ZNF804A: variants seen among roughly 807,000 people sequenced by gnomAD.
ZNF804A encodes the protein zinc finger protein 804A.
In ZNF804A, 2 loss-of-function variants were observed where a neutral mutation model predicts 16.5. The observed-to-expected ratio is 0.12, with a 90% CI of 0.05 to 0.38. The LOEUF is 0.38. ZNF804A is among the 10% of genes least tolerant of loss of function. The probability of loss-of-function intolerance (pLI) is 0.99; values close to 1 mark genes in which losing one functional copy is unlikely to be tolerated. For synonymous variants in ZNF804A, 534 were observed against 489.6 expected (o/e 1.09, Z -1.20); for missense variants, 1,473 against 1,390.7 (o/e 1.06, Z -0.94).
At chr2:184,829,833 T>A (rs1695230118) in intron 1 of ZNF804A, among the ~76,000 whole-genome samples, 1 of 138,000 alleles carries the variant, frequency 7.2e-6, no homozygotes, top group African/African-American at 2.7e-5. Context: ...AGGCCAAGAC[T>A]GGCAGATTGC....
At chr2:184,868,047 A>T (rs914718291) in intron 2 of ZNF804A, among the ~76,000 whole-genome samples, 8 of 152,202 alleles carry the variant, frequency 5.3e-5, no homozygotes, top group Middle Eastern at 3.4e-3. Flanking sequence ...TTCTTAGTGA[A>T]CTTAGTATAC....
intron 1 of ZNF804A, among the ~76,000 whole-genome samples, chr2:184,801,682 A>G (rs1222099526): frequency 6.6e-6 from 1 of 152,172 alleles, no homozygotes; most frequent in Non-Finnish European, 1.5e-5. Flanking sequence ...CATAAACCAT[A>G]TGCTTTGCAT....
At chr2:184,621,875 A>G (rs1173853340) in intron 1 of ZNF804A, among the ~76,000 whole-genome samples, 1 of 151,822 alleles carries the variant, frequency 6.6e-6, no homozygotes, top group African/African-American at 2.4e-5. Context: ...TTTGATTGGC[A>G]TATGAGAAAA....
intron 1 of ZNF804A, among the ~76,000 whole-genome samples, chr2:184,625,019 G>A (rs1440447894): frequency 1.3e-5 from 2 of 151,958 alleles, no homozygotes; most frequent in Non-Finnish European, 2.9e-5. Context: ...AAAATAAGCA[G>A]GATACTTTGA....
intron 1 of ZNF804A, among the ~76,000 whole-genome samples, chr2:184,755,951 T>A (rs1693952625): frequency 6.6e-6 from 1 of 152,050 alleles, no homozygotes; most frequent in African/African-American, 2.4e-5. Flanking sequence ...AAAAAATACA[T>A]ATTTTCTTCA....
At chr2:184,711,595 T>C (rs944569841) in intron 1 of ZNF804A, among the ~76,000 whole-genome samples, 2 of 151,630 alleles carry the variant, frequency 1.3e-5, no homozygotes, top group Non-Finnish European at 3.0e-5. Context: ...ATGCCATGAA[T>C]CTCTCCTTCT....
chr2:184,638,097 G>A (rs929734736), intron 1 of ZNF804A, among the ~76,000 whole-genome samples: 1 of 152,076 alleles, frequency 6.6e-6, no homozygotes, highest in Non-Finnish European at 1.5e-5. Context: ...TAATATCCCC[G>A]TGCTGTAAAA....
At chr2:184,655,477 C>G (rs557957205) in intron 1 of ZNF804A, among the ~76,000 whole-genome samples, 1 of 152,070 alleles carries the variant, frequency 6.6e-6, no homozygotes, top group Non-Finnish European at 1.5e-5. Context: ...AGGTGGGATG[C>G]ATTTGATCAA....
intron 1 of ZNF804A, among the ~76,000 whole-genome samples, chr2:184,726,940 A>G (rs1263481126): frequency 6.6e-6 from 1 of 151,644 alleles, no homozygotes; most frequent in Admixed American, 6.6e-5. Context: ...CAGCATAATA[A>G]TAGTAAAATT....
intron 1 of ZNF804A, among the ~76,000 whole-genome samples, chr2:184,859,651 T>C (rs1375742668): frequency 1.3e-5 from 2 of 152,332 alleles, no homozygotes; most frequent in East Asian, 3.9e-4. Flanking sequence ...GATGTTCTTC[T>C]ATATCCTTGG....
chr2:184,736,750 GTTTGTT>G (rs1176550604), intron 1 of ZNF804A, among the ~76,000 whole-genome samples: 1 of 151,934 alleles, frequency 6.6e-6, no homozygotes, highest in Non-Finnish European at 1.5e-5. Flanking sequence ...TAGTTTATTT[GTTTGTT>G]TTTAACTTAA....
chr2:184,718,820 T>A (rs1012891756), intron 1 of ZNF804A, among the ~76,000 whole-genome samples: 2 of 152,122 alleles, frequency 1.3e-5, no homozygotes, highest in Admixed American at 1.3e-4. Flanking sequence ...CTGTGGCTTT[T>A]CCAGTTGTGT....
chr2:184,789,050 G>A (rs1694491810), intron 1 of ZNF804A, among the ~76,000 whole-genome samples: 1 of 152,016 alleles, frequency 6.6e-6, no homozygotes, highest in South Asian at 2.1e-4. Flanking sequence ...AGCATGAAGT[G>A]ATGGTGGATG....
At chr2:184,878,115 G>T (rs1684739320) in intron 2 of ZNF804A, among the ~76,000 whole-genome samples, 1 of 152,212 alleles carries the variant, frequency 6.6e-6, no homozygotes, top group African/African-American at 2.4e-5. Context: ...AAGTTTGTTG[G>T]TTGGCCTTCC....
intron 1 of ZNF804A, among the ~76,000 whole-genome samples, chr2:184,817,694 A>G (rs1434118385): frequency 6.6e-6 from 1 of 152,004 alleles, no homozygotes; most frequent in African/African-American, 2.4e-5. Flanking sequence ...GAGAAGAGCC[A>G]GTTTAGAGAG....
intron 1 of ZNF804A, among the ~76,000 whole-genome samples, chr2:184,758,761 G>A (rs926091191): frequency 5.3e-5 from 8 of 151,786 alleles, no homozygotes; most frequent in African/African-American, 1.7e-4. Context: ...CCTCTCCATT[G>A]CAATTATGAA....
At position 184,937,971 on chromosome 2, in the gene ZNF804A, C is replaced by A. The variant is rs1342283605; in HGVS notation, c.2575C>A (p.Pro859Thr). The change falls in exon 4 of 4, where the codon CCA becomes ACA. Residue 859 changes from proline (P) to threonine (T), a missense_variant. Physicochemically the swap from Pro to Thr is conservative, Grantham distance 38. Coordinates refer to ENST00000302277, the MANE Select transcript of ZNF804A (RefSeq NM_194250.2). Reference sequence around the variant, plus strand: ...TGAAGACAAAAAAGAGAAAATGAAACCACAAGAAGTTGCAAAAATCGAAAG... The same window carrying A: ...TGAAGACAAAAAAGAGAAAATGAAAACACAAGAAGTTGCAAAAATCGAAAG... Reference protein sequence around the residue: ...ISEDKKEKMKPQEVAKIERNS... With the variant: ...ISEDKKEKMKTQEVAKIERNS... The A allele has an allele frequency of 6.2e-7, 1 of 1,613,926 alleles. No individual in the cohort carries two copies. Among genetic ancestry groups the A allele is most frequent in the South Asian group, 1.1e-5 (1 of 91,082 alleles).
intron 1 of ZNF804A, among the ~76,000 whole-genome samples, chr2:184,707,118 A>G (rs1693043673): frequency 6.6e-6 from 1 of 152,134 alleles, no homozygotes; most frequent in Non-Finnish European, 1.5e-5. Flanking sequence ...GACCTTGCAG[A>G]TCCAAATATA....
Position 184,937,902 on chromosome 2 carries a change from G to C in ZNF804A, c.2506G>C (p.Val836Leu). ...LELKENTDYP[V>L]KDNSSLNPLD... ...ACTCAAAGAAAATACAGATTATCCC[G>C]TGAAAGACAATTCTTCCTTAAATCC... Residue 836 changes from valine to leucine, a missense_variant, in exon 4 of 4, where the codon GTG becomes CTG. Physicochemically the swap from Val to Leu is conservative, Grantham distance 32 (BLOSUM62 1). Coordinates refer to ENST00000302277, the MANE Select transcript of ZNF804A (RefSeq NM_194250.2). 1 of 1,614,064 alleles carries C rather than the reference G, an allele frequency of 6.2e-7. No individual in the cohort carries two copies. Among genetic ancestry groups the C allele is most frequent in the Non-Finnish European group, 8.5e-7 (1 of 1,179,996 alleles).
Sources: allele counts gnomAD v4.1 joint callset (sites outside exome capture counted in the v4.1 genomes callset), GRCh38; gene constraint gnomAD v4.1.1; transcripts MANE v1.5; gene names NCBI Gene and HGNC (gene_info 2026-07-23, HGNC 2026-07-21).